LRTM3: variants seen among roughly 807,000 people sequenced by gnomAD.
LRTM3 encodes leucine-rich repeat transmembrane protein 3.
the LRTM3 span, chr13:102,731,270 G>T: frequency 6.4e-7 from 1 of 1,551,252 alleles, no homozygotes; most frequent in Non-Finnish European, 8.7e-7. Context: ...AGGTTCTATG[G>T]TATCAGTCCC....
At chr13:102,735,775 T>C in the LRTM3 span, 1 of 1,543,910 alleles carries the variant, frequency 6.5e-7, no homozygotes, top group Non-Finnish European at 8.7e-7. Flanking sequence ...TCTTTAGTGG[T>C]GGAAAACTGA....
At chr13:102,742,224 T>C in the LRTM3 span, 1 of 1,550,570 alleles carries the variant, frequency 6.4e-7, no homozygotes, top group Non-Finnish European at 8.7e-7. Context: ...AGTTCTTTTT[T>C]ATTGCTTGCA....
At chr13:102,751,638 T>C in the LRTM3 span, among the ~76,000 whole-genome samples, 1 of 152,200 alleles carries the variant, frequency 6.6e-6, no homozygotes, top group South Asian at 2.1e-4. Flanking sequence ...CAGATAATTC[T>C]AGTAGCTATT....
At chr13:102,732,256 A>G in the LRTM3 span, 1 of 1,551,386 alleles carries the variant, frequency 6.4e-7, no homozygotes, top group East Asian at 2.4e-5. Flanking sequence ...TGGAAATAGA[A>G]AGACTTCTGA....
the LRTM3 span, chr13:102,748,290 G>T: frequency 6.4e-7 from 1 of 1,550,994 alleles, no homozygotes; most frequent in Non-Finnish European, 8.7e-7. Flanking sequence ...AGTATCAATG[G>T]TTTACTTTCC....
chr13:102,749,069 A>T, the LRTM3 span: 1 of 1,550,404 alleles, frequency 6.4e-7, no homozygotes, highest in South Asian at 1.2e-5. Context: ...AACAGAAATA[A>T]GATGCAAAGC....
At chr13:102,749,141 A>T in the LRTM3 span, 11 of 1,550,430 alleles carry the variant, frequency 7.1e-6, no homozygotes, top group Non-Finnish European at 9.6e-6. Flanking sequence ...CTTGCATCCT[A>T]ACTCATTCCT....
chr13:102,738,966 T>C, the LRTM3 span: 1 of 1,550,526 alleles, frequency 6.4e-7, no homozygotes, highest in Non-Finnish European at 8.7e-7. Flanking sequence ...TGTTTTGCTT[T>C]TTCAATACTG....
chr13:102,746,453 C>T, the LRTM3 span: 1 of 1,551,036 alleles, frequency 6.4e-7, no homozygotes. Flanking sequence ...CATTGGAGAG[C>T]AAAGGGTATT....
the LRTM3 span, chr13:102,737,409 G>A: frequency 1.3e-6 from 2 of 1,550,888 alleles, no homozygotes; most frequent in Non-Finnish European, 1.7e-6. Context: ...TGTAGGAAGA[G>A]AACTGTTTCC....
At chr13:102,730,646 T>C in the LRTM3 span, 3 of 1,552,100 alleles carry the variant, frequency 1.9e-6, no homozygotes, top group South Asian at 1.2e-5. Flanking sequence ...TGAGTTTTCA[T>C]GGGGACTTTG....
chr13:102,734,693 C>T, the LRTM3 span: 6,156 of 1,551,072 alleles, frequency 4.0e-3, 43 homozygotes, highest in Non-Finnish European at 3.8e-3. Context: ...TGATATTCTC[C>T]GCAAAATAGG....
At chr13:102,747,070 TAG>T in the LRTM3 span, 1 of 1,551,130 alleles carries the variant, frequency 6.4e-7, no homozygotes, top group Non-Finnish European at 8.7e-7. Context: ...CTGCTTTTGG[TAG>T]AGTTTCTTTG....
the LRTM3 span, chr13:102,749,123 G>A: frequency 2.6e-6 from 4 of 1,549,998 alleles, no homozygotes; most frequent in Non-Finnish European, 3.5e-6. Context: ...TTTCTTCTCA[G>A]TGTTATTCTT....
At chr13:102,738,275 A>T in the LRTM3 span, 2 of 1,549,920 alleles carry the variant, frequency 1.3e-6, no homozygotes, top group African/African-American at 2.8e-5. Flanking sequence ...TTTGATTGTG[A>T]TATCACCCTT....
chr13:102,747,499 T>C, the LRTM3 span: 72 of 1,550,682 alleles, frequency 4.6e-5, 1 homozygote, highest in Admixed American at 1.3e-3. Flanking sequence ...TTTTAAAATA[T>C]GGTAAAGTAA....
the LRTM3 span, among the ~76,000 whole-genome samples, chr13:102,752,599 CA>C: frequency 2.6e-5 from 4 of 152,124 alleles, no homozygotes; most frequent in African/African-American, 9.7e-5. Context: ...ATCGATAACA[CA>C]AAAATATTAG....
the LRTM3 span, chr13:102,734,652 C>T: frequency 1.6e-4 from 252 of 1,550,924 alleles, no homozygotes; most frequent in Non-Finnish European, 2.0e-4. Context: ...TCACCAACGA[C>T]GGACTCTCTA....
chr13:102,749,521 TA>T, the LRTM3 span: 1 of 1,551,436 alleles, frequency 6.4e-7, no homozygotes, highest in South Asian at 1.2e-5. Context: ...GGTCCTCACC[TA>T]AGTGTTCATC....
Sources: allele counts gnomAD v4.1 joint callset (sites outside exome capture counted in the v4.1 genomes callset), GRCh38; gene constraint gnomAD v4.1.1; transcripts MANE v1.5; gene names NCBI Gene and HGNC (gene_info 2026-07-23, HGNC 2026-07-21).